Variants in COP1 observed in about 807,000 individuals in gnomAD.
The protein encoded by COP1 is E3 ubiquitin-protein ligase COP1.
Under a neutral mutation model 101.3 loss-of-function variants are expected in COP1, and 24 were observed. That is an observed-to-expected ratio of 0.24 (90% confidence interval 0.17 to 0.33). The LOEUF (loss-of-function observed/expected upper bound fraction) is 0.33, where lower values mean the gene tolerates loss of function less well. COP1 is among the 10% of genes least tolerant of loss of function. COP1 has a pLI of 1.00. For missense variants in COP1, 663 were observed against 906.2 expected (o/e 0.73, Z 3.45); for synonymous variants, 347 against 341.9 (o/e 1.01, Z -0.17).
At chr1:176,143,583 T>G (rs1217426939) in intron 6 of COP1, among the ~76,000 whole-genome samples, 1 of 152,094 alleles carries the variant, frequency 6.6e-6, no homozygotes. Context: ...TGAACATAGA[T>G]GCAAAAATCC....
chr1:175,996,930 C>G (rs1249484173), intron 15 of COP1, among the ~76,000 whole-genome samples: 1 of 151,788 alleles, frequency 6.6e-6, no homozygotes, highest in Non-Finnish European at 1.5e-5. Flanking sequence ...AAAAAGAGCC[C>G]ACATCGCCAA....
chr1:175,976,252 CTA>C (rs1433515905), intron 18 of COP1, among the ~76,000 whole-genome samples: 5 of 123,904 alleles, frequency 4.0e-5, no homozygotes, highest in African/African-American at 1.5e-4. Context: ...ATATAAGTCT[CTA>C]TATCAATTAG....
At chr1:176,102,358 C>G (rs1386177376) in intron 9 of COP1, among the ~76,000 whole-genome samples, 1 of 152,176 alleles carries the variant, frequency 6.6e-6, no homozygotes, top group Non-Finnish European at 1.5e-5. Context: ...CCAGTTTTAG[C>G]TGAACTAAGG....
chr1:176,184,829 A>G, intron 1 of COP1, 137 bp from the exon 2 acceptor site: 1 of 557,982 alleles, frequency 1.8e-6, no homozygotes, highest in Non-Finnish European at 3.1e-6. Context: ...TCTATCAATA[A>G]GAGATGAAAT....
chr1:176,080,094 T>C (rs1678832767), intron 11 of COP1, among the ~76,000 whole-genome samples: 1 of 151,828 alleles, frequency 6.6e-6, no homozygotes, highest in Admixed American at 6.6e-5. Context: ...AAAATCAAAA[T>C]GGAAATTAAA....
In COP1 at chr1:176,207,073, G is replaced by T; in HGVS notation, c.-95C>A. ...CCTCCCCTCAGCCTCAGTGCATCCT[G>T]AGGACGCCCGCCGAGCCGGAGGTGG... On this transcript the variant is annotated 5_prime_UTR_variant, in exon 1 of 20. Transcript: ENST00000367669. 1.9e-6 allele frequency: 2 copies of T among 1,053,710 alleles called. No homozygotes were observed. The highest frequency in any genetic ancestry group is 2.4e-5 in the South Asian group (1 of 40,926). The allele number at this position is 1,053,710 out of a possible 1,614,324, so 65.3% of individuals were successfully genotyped here.
At chr1:175,982,450 T>C (rs752591366) in intron 18 of COP1, 3 of 455,306 alleles carry the variant, frequency 6.6e-6, no homozygotes, top group Non-Finnish European at 1.3e-5. Context: ...GCCTACTCCA[T>C]GTGAAGATGA....
At chr1:176,113,198 C>T (rs1685587904) in intron 9 of COP1, among the ~76,000 whole-genome samples, 1 of 152,136 alleles carries the variant, frequency 6.6e-6, no homozygotes, top group Admixed American at 6.5e-5. Flanking sequence ...TCTCCACGTC[C>T]TTTCTAACAT....
At chr1:176,110,879 C>A (rs577875226) in intron 9 of COP1, among the ~76,000 whole-genome samples, 1 of 152,146 alleles carries the variant, frequency 6.6e-6, no homozygotes, top group Admixed American at 6.5e-5. Flanking sequence ...ATCAGCAGGG[C>A]GCAGTGGCTC....
intron 1 of COP1, among the ~76,000 whole-genome samples, chr1:176,192,121 T>C (rs967364144): frequency 2.6e-5 from 4 of 152,062 alleles, no homozygotes; most frequent in East Asian, 1.9e-4. Context: ...AAAAGCAAGA[T>C]TGAATCAGGG....
intron 18 of COP1, among the ~76,000 whole-genome samples, chr1:175,954,783 A>T (rs1346318956): frequency 6.6e-6 from 1 of 152,172 alleles, no homozygotes; most frequent in African/African-American, 2.4e-5. Flanking sequence ...ACAAAAACAA[A>T]TAAAATTACC....
At chr1:176,102,095 C>T (rs1472809642) in intron 9 of COP1, among the ~76,000 whole-genome samples, 1 of 152,064 alleles carries the variant, frequency 6.6e-6, no homozygotes, top group African/African-American at 2.4e-5. Context: ...GAATAATACC[C>T]ATCTGCACAC....
chr1:176,158,771 C>G (rs1427996674), intron 5 of COP1, among the ~76,000 whole-genome samples: 1 of 150,920 alleles, frequency 6.6e-6, no homozygotes, highest in Non-Finnish European at 1.5e-5. Flanking sequence ...TCCCAAGTAG[C>G]TGGGACTATA....
At chr1:176,098,938 T>C (rs1682892581) in intron 9 of COP1, among the ~76,000 whole-genome samples, 1 of 152,184 alleles carries the variant, frequency 6.6e-6, no homozygotes, top group Non-Finnish European at 1.5e-5. Flanking sequence ...GCCAAAATGG[T>C]GTTCAATCTT....
intron 14 of COP1, among the ~76,000 whole-genome samples, chr1:176,030,914 T>C (rs1262092880): frequency 6.6e-6 from 1 of 152,154 alleles, no homozygotes; most frequent in African/African-American, 2.4e-5. Context: ...CCTAAATCCA[T>C]TGACTGGTGT....
At chr1:176,035,729 A>C (rs1669409418) in intron 14 of COP1, among the ~76,000 whole-genome samples, 1 of 149,488 alleles carries the variant, frequency 6.7e-6, no homozygotes, top group Non-Finnish European at 1.5e-5. Flanking sequence ...AAAAAAAAAA[A>C]AAACGCAAGC....
At chr1:176,041,408 C>T (rs1458371728) in intron 14 of COP1, among the ~76,000 whole-genome samples, 1 of 148,088 alleles carries the variant, frequency 6.8e-6, no homozygotes, top group East Asian at 2.0e-4. Context: ...AGTGCAATGG[C>T]GAGACCTGGA....
rs1397330704 is a variant in COP1, at chr1:176,003,329, C to T, written c.1730-13850G>A. 1.0e-3 allele frequency among the ~76,000 whole-genome samples: 150 copies of T among 149,770 alleles called. No individual in the cohort carries two copies. In the Middle Eastern group the frequency reaches 0.01, roughly 10 times the overall value. The stretch of plus-strand genomic sequence containing the variant: ...TGTTCACTCTGATGGTAGTTTCTTT[C>T]GCTGTGCAGAAGCTCTTTAGTTTAA... On this transcript the variant is annotated intron_variant, in intron 15 of 19. Transcript: ENST00000367669.
intron 19 of COP1, among the ~76,000 whole-genome samples, chr1:175,946,273 T>TA (rs1476602140): frequency 6.6e-6 from 1 of 152,142 alleles, no homozygotes; most frequent in Non-Finnish European, 1.5e-5. Context: ...ACTGGCTGCC[T>TA]AAAAAAGGAG....
Sources: gnomAD v4.1 joint callset for allele counts (sites outside exome capture counted in the v4.1 genomes callset) on GRCh38, gnomAD v4.1.1 for gene constraint, MANE v1.5 for transcripts, NCBI Gene and HGNC (gene_info 2026-07-23, HGNC 2026-07-21) for gene names.